The following PCDHA1 variants were observed in gnomAD, a reference collection of about 807,000 sequenced individuals.
PCDHA1 encodes the protein protocadherin alpha 1.
A neutral mutation model predicts 61.3 loss-of-function variants in PCDHA1; 42 were observed. That is an observed-to-expected ratio of 0.69 (90% CI 0.54 to 0.89). The LOEUF is 0.89. Among genes scored for constraint, PCDHA1 ranks in the 40% least tolerant of loss-of-function variants. The pLI, the probability that PCDHA1 is intolerant of heterozygous loss-of-function variation, is 0.00. For missense variants in PCDHA1, 1,256 were observed against 1,235.3 expected (o/e 1.02, Z -0.25); for synonymous variants, 610 against 553.8 (o/e 1.10, Z -1.43).
At position 140,876,146 on chromosome 5, in the gene PCDHA1, C is replaced by G. The variant is rs75398909; in HGVS notation, c.2394+87462C>G. The G allele has an allele frequency of 1.6e-3, 2,650 of 1,613,952 alleles. 40 individuals carry two copies. In the African/African-American group the frequency reaches 0.028, roughly 17 times the overall value. ...GGCGGTAAACCAGAACTAACAGGGT[C>G]TGTCCAGATTCAAATAACCGTCCTG... On this transcript the variant is annotated intron_variant, in intron 1 of 3. Coordinates refer to ENST00000504120, the MANE Select transcript of PCDHA1 (RefSeq NM_018900.4).
In PCDHA1 at chr5:140,936,501, T is replaced by A. The variant is rs192125282; in HGVS notation, c.2395-42448T>A. On this transcript the variant is annotated intron_variant, in intron 1 of 3. Transcript: ENST00000504120. ...AGCTTTCTTGTTTTAACTTGCACATTTAGATCTTAAATTACCTGAAATTGC... is the reference window on the plus strand; with the variant it reads ...AGCTTTCTTGTTTTAACTTGCACATATAGATCTTAAATTACCTGAAATTGC... Among the ~76,000 whole-genome samples, 509 of 152,360 alleles carry A rather than the reference T, an allele frequency of 3.3e-3. 1 individual carries two copies. Among genetic ancestry groups the A allele is most frequent in the African/African-American group, 0.011 (472 of 41,592 alleles).
intron 1 of PCDHA1, among the ~76,000 whole-genome samples, chr5:140,818,867 A>G (rs1335170198): frequency 6.6e-6 from 1 of 152,204 alleles, no homozygotes; most frequent in Non-Finnish European, 1.5e-5. Flanking sequence ...GAGGCATAAA[A>G]AAGATGCCTG....
At chr5:140,814,608 T>C (rs1315779176) in intron 1 of PCDHA1, 1 of 152,216 alleles carries the variant, frequency 6.6e-6, no homozygotes, top group Non-Finnish European at 1.5e-5. Context: ...TGCTATCTTG[T>C]ACTTTTATAT....
chr5:140,827,904 G>A (rs2150149694), intron 1 of PCDHA1: 24 of 786,388 alleles, frequency 3.1e-5, no homozygotes, highest in Non-Finnish European at 3.9e-5. Context: ...TTTTGGAGCC[G>A]CATGATGTCG....
At chr5:140,904,152 C>T (rs782254163) in intron 1 of PCDHA1, among the ~76,000 whole-genome samples, 16 of 152,024 alleles carry the variant, frequency 1.1e-4, no homozygotes, top group Non-Finnish European at 2.2e-4. Context: ...ATACATTGCA[C>T]CCAGTTTGTA....
chr5:140,968,025 C>T lies in PCDHA1; in HGVS notation c.2395-10924C>T, dbSNP rs782679458. ...CTGAATGGCTTTGGAAACTCCTATA[C>T]ACTGGTGGTGAGCGGCCCACTGGAC... On this transcript the variant is annotated intron_variant, in intron 1 of 3. Coordinates refer to ENST00000504120, the MANE Select transcript of PCDHA1 (RefSeq NM_018900.4). 4.3e-6 allele frequency: 7 copies of T among 1,614,200 alleles called. No individual in the cohort carries two copies. In the South Asian group the frequency reaches 6.6e-5, roughly 15 times the overall value.
rs1554231789 is a variant in PCDHA1 at position 140,969,430 on chromosome 5, A to G, written c.2395-9519A>G. ...CTTTATTGAGTCATTAACAGTGACAAGAGTTATCTGGTAAACTGAGTATAT... is the reference window on the plus strand; with the variant it reads ...CTTTATTGAGTCATTAACAGTGACAGGAGTTATCTGGTAAACTGAGTATAT... On this transcript the variant is annotated intron_variant, in intron 1 of 3. Transcript: ENST00000504120. The G allele has an allele frequency of 1.2e-5, 19 of 1,554,588 alleles. 1 individual carries two copies. The Admixed American group carries it at 3.5e-4, about 29-fold the overall frequency.
In PCDHA1 at chr5:140,830,646, T is replaced by C. The variant is rs1199441210; in HGVS notation, c.2394+41962T>C. 6.5e-6 allele frequency: 3 copies of C among 458,330 alleles called. No homozygotes were observed. In the Admixed American group the frequency reaches 1.3e-4, roughly 20 times the overall value. The allele number at this position is 458,330 out of a possible 1,614,324, so 28.4% of individuals were successfully genotyped here. On this transcript the variant is annotated intron_variant, in intron 1 of 3. Transcript: ENST00000504120. ...TCTTATTTTAATCTCTTTGCTTCTT[T>C]AATATTCATAATTTAAGTGAAATTA...
At chr5:140,912,237 A>T (rs2075827332) in intron 1 of PCDHA1, among the ~76,000 whole-genome samples, 2 of 152,122 alleles carry the variant, frequency 1.3e-5, no homozygotes, top group South Asian at 4.2e-4. Flanking sequence ...CACTGACTCA[A>T]ATGTTAATCT....
intron 1 of PCDHA1, among the ~76,000 whole-genome samples, chr5:140,831,517 C>T (rs1771584524): frequency 7.7e-6 from 1 of 129,936 alleles, no homozygotes; most frequent in East Asian, 2.2e-4. Context: ...CCATGCCCCC[C>T]ACCTTTTTTT....
intron 1 of PCDHA1, chr5:140,870,101 G>C (rs1345689033): frequency 3.1e-6 from 5 of 1,613,914 alleles, no homozygotes; most frequent in Non-Finnish European, 4.2e-6. Context: ...GCAGGTCACT[G>C]TACAGTCTGG....
At chr5:140,836,828 T>C (rs1233722756) in intron 1 of PCDHA1, 27 of 957,894 alleles carry the variant, frequency 2.8e-5, no homozygotes, top group Non-Finnish European at 3.7e-5. Flanking sequence ...TCTTTTTTAG[T>C]TGATAGCTTT....
chr5:140,883,724 G>T (rs1174982763), intron 1 of PCDHA1: 2 of 1,613,492 alleles, frequency 1.2e-6, no homozygotes, highest in Non-Finnish European at 1.7e-6. Context: ...GGACGCACAG[G>T]AGAACGCGCT....
At chr5:140,935,178 G>C (rs2090229039) in intron 1 of PCDHA1, among the ~76,000 whole-genome samples, 2 of 152,146 alleles carry the variant, frequency 1.3e-5, no homozygotes, top group African/African-American at 4.8e-5. Context: ...GCTTATTGCT[G>C]CTGGGTCAGT....
chr5:140,870,167 C>A, intron 1 of PCDHA1: 1 of 1,614,134 alleles, frequency 6.2e-7, no homozygotes, highest in East Asian at 2.2e-5. Context: ...ACTTCCTTGT[C>A]CCTCCCAGTA....
At chr5:140,805,903 A>G (rs553167361) in intron 1 of PCDHA1, among the ~76,000 whole-genome samples, 2 of 152,328 alleles carry the variant, frequency 1.3e-5, no homozygotes, top group African/African-American at 4.8e-5. Flanking sequence ...CATTTTCTGC[A>G]GGGTAAATAT....
In PCDHA1 at chr5:140,847,161, T is replaced by C. The variant is rs962983160; in HGVS notation, c.2394+58477T>C. The stretch of plus-strand genomic sequence containing the variant: ...GTAAGAAGATCTCTTGATTTCTGAG[T>C]AATAAACTAAAGGGCCATGAGTGAT... On this transcript the variant is annotated intron_variant, in intron 1 of 3. Transcript: ENST00000504120. Among the ~76,000 whole-genome samples, 8 of 149,570 alleles carry C rather than the reference T, an allele frequency of 5.3e-5. 1 individual carries two copies. The highest frequency in any genetic ancestry group is 7.5e-5 in the Non-Finnish European group (5 of 66,894).
intron 1 of PCDHA1, chr5:140,966,877 T>A (rs782616985): frequency 6.3e-7 from 1 of 1,586,572 alleles, no homozygotes; most frequent in Admixed American, 1.8e-5. Context: ...TGCTGCTACC[T>A]GGCCCTGCGG....
rs782552456 is a variant in PCDHA1, at chr5:140,870,511, G to T, written c.2394+81827G>T. On this transcript the variant is annotated intron_variant, in intron 1 of 3. Transcript: ENST00000504120. ...GTTCGTGAAGGAGAACAACCCACCA[G>T]GCTGCCACATCTTCACAGTGTCGGC... 9.9e-6 allele frequency: 16 copies of T among 1,614,242 alleles called. No homozygotes were observed. The highest frequency in any genetic ancestry group is 1.3e-5 in the Non-Finnish European group (15 of 1,180,048).
Sources: allele counts gnomAD v4.1 joint callset (sites outside exome capture counted in the v4.1 genomes callset), GRCh38; gene constraint gnomAD v4.1.1; transcripts MANE v1.5; gene names NCBI Gene and HGNC (gene_info 2026-07-23, HGNC 2026-07-21).